The following SPNS1 variants were observed in gnomAD, a reference collection of about 807,000 sequenced individuals.
SPNS1 encodes the protein protein spinster homolog 1.
A neutral mutation model predicts 50.3 loss-of-function variants in SPNS1; 22 were observed. The observed-to-expected ratio is 0.44, with a 90% CI of 0.31 to 0.62. The LOEUF (loss-of-function observed/expected upper bound fraction) is 0.62, where lower values mean the gene tolerates loss of function less well. SPNS1 is among the 20% of genes least tolerant of loss of function. The probability of loss-of-function intolerance (pLI) is 0.07; values close to 1 mark genes in which losing one functional copy is unlikely to be tolerated. For missense variants in SPNS1, 576 were observed against 728.6 expected, an observed-to-expected ratio of 0.79 and a Z score of 2.41; for synonymous variants, 295 against 317.4, an observed-to-expected ratio of 0.93 and a Z score of 0.75.
At chr16:28,980,022 CA>C (rs201443284) in intron 5 of SPNS1, 233 of 117,588 alleles carry the variant, frequency 2.0e-3, no homozygotes, top group Middle Eastern at 4.5e-3. Context: ...GACTCCTTCT[CA>C]AAAAAAAAAA....
At chr16:28,979,337 G>A in intron 4 of SPNS1, 31 bp downstream of exon 4, 1 of 1,614,130 alleles carries the variant, frequency 6.2e-7, no homozygotes, top group Non-Finnish European at 8.5e-7. Flanking sequence ...GGGGAAGGCA[G>A]AAGGGCCTGG....
intron 2 of SPNS1, 86 bp from the exon 3 acceptor site, chr16:28,977,822 T>C (rs1965396903): frequency 6.5e-7 from 1 of 1,531,694 alleles, no homozygotes; most frequent in Non-Finnish European, 8.9e-7. Flanking sequence ...AAGGCAGGCA[T>C]CTCCTGTGCT....
At position 28,983,694 on chromosome 16, in the gene SPNS1, A is replaced by G. The variant is rs773201095; in HGVS notation, c.1321-92A>G. The stretch of plus-strand genomic sequence containing the variant: ...AACCTCCTTCCCTTTCCTGGGCTCC[A>G]CTTGTCTTTCTCCCTGGAGCTCAGG... On this transcript the variant is annotated intron_variant, in intron 10 of 11. Coordinates refer to ENST00000311008, the MANE Select transcript of SPNS1 (RefSeq NM_032038.3). The surrounding 1 kb of genome is among the most constrained non-coding windows in gnomAD (Gnocchi z 5.4). 7.7e-5 allele frequency: 108 copies of G among 1,404,580 alleles called. No homozygotes were observed. The highest frequency in any genetic ancestry group is 9.9e-5 in the Non-Finnish European group (104 of 1,049,086). The allele number at this position is 1,404,580 out of a possible 1,614,324, so 87.0% of individuals were successfully genotyped here. A position where few individuals can be genotyped will look rare whatever the true frequency, so the allele number is the denominator to read the frequency against.
chr16:28,982,571 G>A (rs750966620), intron 8 of SPNS1, 26 bp downstream of exon 8: 1 of 1,582,568 alleles, frequency 6.3e-7, no homozygotes, highest in Admixed American at 1.7e-5. Context: ...GTGTCAAGGG[G>A]GATGGCGTGG....
rs936154063 is a variant in SPNS1 at position 28,981,298 on chromosome 16, G to T, written c.664-172G>T. ...AAGCTAGGCTTGCAAAAATAGGGTGGCCCCTAGTGGCAGCCCCCTTCCCCC... is the reference window on the plus strand; with the variant it reads ...AAGCTAGGCTTGCAAAAATAGGGTGTCCCCTAGTGGCAGCCCCCTTCCCCC... On this transcript the variant is annotated intron_variant, in intron 5 of 11. Transcript: ENST00000311008. This position sits in a 1 kb window ranked among gnomAD's most constrained non-coding sequence, Gnocchi z 4.2. 2.3e-4 allele frequency among the ~76,000 whole-genome samples: 35 copies of T among 152,144 alleles called. No homozygotes were observed. Among genetic ancestry groups the T allele is most frequent in the Admixed American group, 5.9e-4 (9 of 15,270 alleles).
chr16:28,979,137 C>G lies in SPNS1; in HGVS notation c.445-18C>G. ...GTTGCAGGCTGGGGTGCCACCTCTC[C>G]CCGGTCTCTCTCCCCAGCATTTCTG... On this transcript the variant is annotated intron_variant, in intron 3 of 11. Transcript: ENST00000311008. The G allele has an allele frequency of 6.2e-7, 1 of 1,610,320 alleles. No individual in the cohort carries two copies. The highest frequency in any genetic ancestry group is 8.5e-7 in the Non-Finnish European group (1 of 1,178,296).
At chr16:28,979,380 T>C (rs778777278) in intron 4 of SPNS1, 25 bp from the exon 5 acceptor site, 3 of 1,613,478 alleles carry the variant, frequency 1.9e-6, no homozygotes, top group African/African-American at 1.3e-5. Flanking sequence ...CTGTCCCCCC[T>C]TTTTCCCCTC....
chr16:28,978,077 A>G, intron 3 of SPNS1, 33 bp downstream of exon 3: 3 of 1,603,732 alleles, frequency 1.9e-6, no homozygotes, highest in Non-Finnish European at 2.6e-6. Context: ...GTTTCTGCCC[A>G]CACCCCCTCC....
intron 8 of SPNS1, 115 bp downstream of exon 8, chr16:28,982,660 C>A: frequency 7.5e-7 from 1 of 1,330,682 alleles, no homozygotes; most frequent in Non-Finnish European, 1.0e-6. Flanking sequence ...CTGGCTCTTC[C>A]CAGCTGTGTG....
chr16:28,975,215 C>T lies in SPNS1; in HGVS notation c.64C>T (p.Pro22Ser). The change falls in exon 1 of 12, where the codon CCT (proline) becomes TCT (serine). Residue 22 changes from proline (P) to serine (S), a missense_variant. Pro to Ser is a moderately conservative substitution (Grantham distance 74). Around this residue, in one of 3 missense-constraint regions of SPNS1, gnomAD observed 144 missense variants for 181.2 expected, o/e 0.79. Transcript: ENST00000311008. The stretch of plus-strand genomic sequence containing the variant: ...GGATGACCCGGACGACGGGCCAGTG[C>T]CTGGCACCCCGGGGTTGCCAGGGTC... ...QADDPDDGPVPGTPGLPGSTG... is the reference protein window; with the variant it reads ...QADDPDDGPVSGTPGLPGSTG... 6.6e-7 allele frequency: 1 copy of T among 1,512,420 alleles called. No homozygotes were observed. Among genetic ancestry groups the T allele is most frequent in the Non-Finnish European group, 8.9e-7 (1 of 1,128,742 alleles). The allele number at this position is 1,512,420 out of a possible 1,614,324, so 93.7% of individuals were successfully genotyped here.
At chr16:28,977,046 G>A (rs1048846195) in intron 2 of SPNS1, among the ~76,000 whole-genome samples, 5 of 152,174 alleles carry the variant, frequency 3.3e-5, no homozygotes, top group Non-Finnish European at 5.9e-5. Flanking sequence ...CAGTCCAGGC[G>A]CTGTGGCTCA....
chr16:28,982,245 A>C, intron 7 of SPNS1, 111 bp from the exon 8 acceptor site: 7 of 1,385,126 alleles, frequency 5.1e-6, no homozygotes, highest in Non-Finnish European at 6.9e-6. Context: ...TGTGCCAACC[A>C]TGGGGTGCTG....
At chr16:28,975,624 C>G (rs890388405) in intron 2 of SPNS1, 67 bp downstream of exon 2, 29 of 1,568,332 alleles carry the variant, frequency 1.8e-5, no homozygotes, top group African/African-American at 2.7e-5. Flanking sequence ...TGGGGCCACG[C>G]GCTGGCCTGT....
At chr16:28,984,111 G>C in intron 11 of SPNS1, 94 bp from the exon 12 acceptor site, 1 of 1,453,740 alleles carries the variant, frequency 6.9e-7, no homozygotes, top group South Asian at 1.3e-5. Context: ...TGGCTCTGTG[G>C]CTGCCCCATC....
At position 28,977,312 on chromosome 16, in the gene SPNS1, T is replaced by TAAA. The variant is rs11297402; in HGVS notation, c.308-577_308-575dup. 6.2e-4 allele frequency among the ~76,000 whole-genome samples: 78 copies of TAAA among 125,664 alleles called. No homozygotes were observed. The East Asian group carries it at 0.013, about 21-fold the overall frequency. The allele number at this position is 125,664 out of a possible 152,430, so 82.4% of individuals were successfully genotyped here. On this transcript the variant is annotated intron_variant, in intron 2 of 11. Coordinates refer to ENST00000311008, the MANE Select transcript of SPNS1 (RefSeq NM_032038.3). Reference sequence around the variant, plus strand: ...CCTGACAACAGAGCGAGACTTCGTTTAAAAAAAAAAAAAAAAAAAAAGAGA... The same window carrying TAAA: ...CCTGACAACAGAGCGAGACTTCGTTTAAAAAAAAAAAAAAAAAAAAAAAAGAGA...
chr16:28,982,726 G>T, intron 8 of SPNS1, 131 bp from the exon 9 acceptor site: 1 of 1,231,624 alleles, frequency 8.1e-7, no homozygotes, highest in Non-Finnish European at 1.2e-6. Flanking sequence ...TGTAAAATGG[G>T]GATATTAGTA....
intron 5 of SPNS1, 46 bp downstream of exon 5, chr16:28,979,517 G>A (rs1335384251): frequency 1.3e-6 from 2 of 1,598,046 alleles, no homozygotes; most frequent in Non-Finnish European, 8.6e-7. Context: ...CGTTCTCACT[G>A]ATCCCTGTTT....
Position 28,981,845 on chromosome 16 carries a change from CCT to C in SPNS1, c.810-54_810-53del, listed in dbSNP as rs1468685386. ...AGCCAGGAAGGGAGAAGAGAGGTCC[CCT>C]CCTGCCTCGACACCTCCGTGGGGTC... On this transcript the variant is annotated intron_variant, in intron 6 of 11. Coordinates refer to ENST00000311008, the MANE Select transcript of SPNS1 (RefSeq NM_032038.3). This position sits in a 1 kb window ranked among gnomAD's most constrained non-coding sequence, Gnocchi z 4.2. 2.5e-6 allele frequency: 4 copies of C among 1,602,006 alleles called. No homozygotes were observed. The highest frequency in any genetic ancestry group is 3.4e-6 in the Non-Finnish European group (4 of 1,171,418).
intron 3 of SPNS1, chr16:28,978,396 G>A (rs184232176): frequency 5.9e-5 from 12 of 204,434 alleles, no homozygotes; most frequent in Admixed American, 3.3e-4. Context: ...AAGAGCAGCC[G>A]GGGAGATGCC....
Sources: allele counts gnomAD v4.1 joint callset (sites outside exome capture counted in the v4.1 genomes callset), GRCh38; gene constraint gnomAD v4.1.1; regional missense constraint gnomAD v4.1.1; non-coding constraint Gnocchi (gnomAD v3.1); transcripts MANE v1.5; gene names NCBI Gene and HGNC (gene_info 2026-07-23, HGNC 2026-07-21).